C16orf78: variants seen among roughly 807,000 people sequenced by gnomAD.
C16orf78 encodes the protein chromosome 16 open reading frame 78.
C16orf78 carries 19 observed loss-of-function variants against 27.3 expected under a neutral mutation model. The observed-to-expected ratio is 0.70, with a 90% CI of 0.49 to 1.02. The LOEUF (loss-of-function observed/expected upper bound fraction) is 1.02. Ranked by LOEUF, C16orf78 falls within the 50% of genes least tolerant of loss-of-function variation. The probability of loss-of-function intolerance (pLI) is 0.00; values close to 1 mark genes in which losing one functional copy is unlikely to be tolerated. For missense variants in C16orf78, 339 were observed against 337.0 expected (o/e 1.01, Z -0.05); for synonymous variants, 130 against 116.1 (o/e 1.12, Z -0.77).
chr16:49,394,818 AT>A (rs10708600), intron 3 of C16orf78, among the ~76,000 whole-genome samples: 13,085 of 152,152 alleles, frequency 0.086, 795 homozygotes, highest in South Asian at 0.16. Context: ...AAGTAATAAA[AT>A]TTACTGTGGT....
chr16:49,384,729 G>C (rs1431308340), intron 3 of C16orf78, among the ~76,000 whole-genome samples: 1 of 152,162 alleles, frequency 6.6e-6, no homozygotes, highest in Admixed American at 6.5e-5. Context: ...AAAAAGGTCT[G>C]TACCAAGACA....
At chr16:49,391,774 C>T (rs931910829) in intron 3 of C16orf78, among the ~76,000 whole-genome samples, 2 of 152,186 alleles carry the variant, frequency 1.3e-5, no homozygotes, top group Non-Finnish European at 2.9e-5. Context: ...TCATGAGACC[C>T]ACCTTGCATG....
chr16:49,374,227 C>A, intron 1 of C16orf78, 138 bp downstream of exon 1: 2 of 1,023,760 alleles, frequency 2.0e-6, no homozygotes, highest in Non-Finnish European at 2.8e-6. Flanking sequence ...GAGAACTACC[C>A]AAGGACATTA....
In C16orf78 at chr16:49,378,600, GA is replaced by G; in HGVS notation, c.394+12del. On this transcript the variant is annotated splice_region_variant and intron_variant, in intron 3 of 4. Coordinates refer to ENST00000299191, the MANE Select transcript of C16orf78 (RefSeq NM_144602.4). ...GATGGCCCCAAGAAATCTGGTAAGG[GA>G]AAAACCTTGGCCCCGGCCACCAGAA... The G allele has an allele frequency of 6.2e-7, 1 of 1,613,654 alleles. No individual in the cohort carries two copies. Among genetic ancestry groups the G allele is most frequent in the Non-Finnish European group, 8.5e-7 (1 of 1,179,872 alleles).
In C16orf78 at chr16:49,383,084, T is replaced by G. The variant is rs529853217; in HGVS notation, c.394+4491T>G. ...AAGTCGAATCCACTCTATTGGAGAA[T>G]GAAGAAGCCTTGTCTCTCCTGATGT... On this transcript the variant is annotated intron_variant, in intron 3 of 4. Transcript: ENST00000299191. Among the ~76,000 whole-genome samples, 5 of 152,334 alleles carry G rather than the reference T, an allele frequency of 3.3e-5. No homozygotes were observed. The East Asian group carries it at 7.7e-4, about 24-fold the overall frequency.
chr16:49,398,047 G>C (rs1659391121), intron 4 of C16orf78, among the ~76,000 whole-genome samples: 1 of 152,188 alleles, frequency 6.6e-6, no homozygotes, highest in South Asian at 2.1e-4. Flanking sequence ...TTACAGATGT[G>C]AGCCACAGCA....
At chr16:49,381,306 C>T (rs1596922084) in intron 3 of C16orf78, among the ~76,000 whole-genome samples, 2 of 152,122 alleles carry the variant, frequency 1.3e-5, no homozygotes, top group East Asian at 1.9e-4. Flanking sequence ...TCTTTTATTT[C>T]GTTGAGCAGT....
At chr16:49,386,450 A>AT (rs535834596) in intron 3 of C16orf78, among the ~76,000 whole-genome samples, 82 of 151,650 alleles carry the variant, frequency 5.4e-4, no homozygotes, top group South Asian at 1.0e-3. Context: ...ACCACAAGTC[A>AT]TTTTTTTTTA....
intron 2 of C16orf78, among the ~76,000 whole-genome samples, 162 bp from the exon 3 acceptor site, chr16:49,378,308 C>G (rs1168782451): frequency 6.6e-6 from 1 of 152,214 alleles, no homozygotes; most frequent in East Asian, 1.9e-4. Flanking sequence ...GTGGGCAGAC[C>G]CTGCCCCTCC....
chr16:49,387,818 A>AT (rs1320987229), intron 3 of C16orf78, among the ~76,000 whole-genome samples: 1 of 151,978 alleles, frequency 6.6e-6, no homozygotes, highest in African/African-American at 2.4e-5. Flanking sequence ...TAATTTATCC[A>AT]TTTTTTCTAG....
At chr16:49,378,348 T>G (rs1965246108) in intron 2 of C16orf78, 122 bp from the exon 3 acceptor site, 1 of 1,414,040 alleles carries the variant, frequency 7.1e-7, no homozygotes, top group Non-Finnish European at 9.4e-7. Flanking sequence ...GGAAGCTCTC[T>G]CCTTGGTTGC....
At chr16:49,379,418 T>G (rs1965261614) in intron 3 of C16orf78, among the ~76,000 whole-genome samples, 1 of 144,076 alleles carries the variant, frequency 6.9e-6, no homozygotes, top group Admixed American at 6.7e-5. Flanking sequence ...AGGAGAAAAG[T>G]GCACAGGAGT....
In C16orf78 at chr16:49,373,882, T is replaced by A; in HGVS notation, c.-58T>A. 6.3e-7 allele frequency: 1 copy of A among 1,597,408 alleles called. No homozygotes were observed. Among genetic ancestry groups the A allele is most frequent in the Non-Finnish European group, 8.5e-7 (1 of 1,170,064 alleles). ...AGGCCATCAAGTCCAGACAAAGGGATCGAAAGAGTGAGACAGTGCCAGCCA... is the reference window on the plus strand; with the variant it reads ...AGGCCATCAAGTCCAGACAAAGGGAACGAAAGAGTGAGACAGTGCCAGCCA... On this transcript the variant is annotated 5_prime_UTR_variant, in exon 1 of 5. Transcript: ENST00000299191.
At chr16:49,378,319 G>T in intron 2 of C16orf78, 151 bp from the exon 3 acceptor site, 2 of 1,180,882 alleles carry the variant, frequency 1.7e-6, no homozygotes, top group South Asian at 3.3e-5. Context: ...CTGCCCCTCC[G>T]ACCTCTCCCA....
intron 3 of C16orf78, among the ~76,000 whole-genome samples, chr16:49,380,161 A>C (rs1433391149): frequency 2.0e-5 from 3 of 152,146 alleles, no homozygotes; most frequent in African/African-American, 7.2e-5. Context: ...TGAAGGCTGC[A>C]CTGTCGGCTT....
chr16:49,399,382 A>T lies in C16orf78; in HGVS notation c.*104A>T. The T allele has an allele frequency of 7.4e-7, 1 of 1,352,436 alleles. No homozygotes were observed. The highest frequency in any genetic ancestry group is 1.0e-6 in the Non-Finnish European group (1 of 980,386). 83.8% of individuals were successfully genotyped at this position (1,352,436 alleles called of 1,614,324 possible). On this transcript the variant is annotated 3_prime_UTR_variant, in exon 5 of 5. Coordinates refer to ENST00000299191, the MANE Select transcript of C16orf78 (RefSeq NM_144602.4). ...ACAAGTGGTCCTTCCAACTTAGTGC[A>T]TCCCTTTAGAAAGTAAGCAATCAGA...
chr16:49,390,313 A>G (rs1477829513), intron 3 of C16orf78, among the ~76,000 whole-genome samples: 1 of 152,136 alleles, frequency 6.6e-6, no homozygotes, highest in Non-Finnish European at 1.5e-5. Flanking sequence ...TTGTTCACAA[A>G]TTTATTTCAT....
intron 3 of C16orf78, among the ~76,000 whole-genome samples, chr16:49,383,230 G>A (rs1228553558): frequency 6.6e-6 from 1 of 152,230 alleles, no homozygotes; most frequent in Non-Finnish European, 1.5e-5. Context: ...ACCTAGTCAG[G>A]GCTGAGCCTG....
At chr16:49,379,758 G>T (rs1406479814) in intron 3 of C16orf78, among the ~76,000 whole-genome samples, 1 of 152,146 alleles carries the variant, frequency 6.6e-6, no homozygotes, top group Non-Finnish European at 1.5e-5. Flanking sequence ...GGATATACAG[G>T]AATCCTCCTT....
Sources: gnomAD v4.1 joint callset for allele counts (sites outside exome capture counted in the v4.1 genomes callset) on GRCh38, gnomAD v4.1.1 for gene constraint, MANE v1.5 for transcripts, NCBI Gene and HGNC (gene_info 2026-07-23, HGNC 2026-07-21) for gene names.